GALNT8: variants seen among roughly 807,000 people sequenced by gnomAD.
The protein encoded by GALNT8 is polypeptide N-acetylgalactosaminyltransferase 8.
Under a neutral mutation model 62.7 loss-of-function variants are expected in GALNT8, and 66 were observed. The ratio of observed to expected loss-of-function variants is 1.05; its 90% confidence interval spans 0.86 to 1.29. The LOEUF (loss-of-function observed/expected upper bound fraction) is 1.29, where lower values mean the gene tolerates loss of function less well. Ranked by LOEUF, GALNT8 falls within the 50% of genes most tolerant of loss-of-function variation. The pLI is 0.00. For missense variants in GALNT8, 771 were observed against 791.8 expected, an observed-to-expected ratio of 0.97 and a Z score of 0.32; for synonymous variants, 288 against 294.3, an observed-to-expected ratio of 0.98 and a Z score of 0.22.
rs757089155 is a variant in GALNT8, at chr12:4,726,820, G to A, written c.500G>A (p.Arg167Gln). 25 of 1,611,006 alleles carry A rather than the reference G, an allele frequency of 1.6e-5. No homozygotes were observed. In the Admixed American group the frequency reaches 2.3e-4, roughly 15 times the overall value. The change falls in exon 2 of 11, where the codon CGA becomes CAA. Residue 167 changes from arginine (R) to glutamine (Q), a missense_variant. Coordinates refer to ENST00000252318, the MANE Select transcript of GALNT8 (RefSeq NM_017417.2). The surrounding 1 kb of genome is among the most constrained non-coding windows in gnomAD (Gnocchi z 4.1). ...LPLNRTIPDT[R>Q]DYRCLRKTYP... ...CTCAATCGCACCATCCCCGACACGC[G>A]AGACTACAGGTGGGATGAACCAGGC...
rs748304510 is a variant in GALNT8 at position 4,744,538 on chromosome 12, A to T, written c.698A>T (p.Asp233Val). 7 of 1,610,496 alleles carry T rather than the reference A, an allele frequency of 4.3e-6. No homozygotes were observed. Among genetic ancestry groups the T allele is most frequent in the Non-Finnish European group, 5.9e-6 (7 of 1,178,062 alleles). ...SSNGELKVHLDEKIKLYNQKY... is the reference protein window; with the variant it reads ...SSNGELKVHLVEKIKLYNQKY... ...ACAGGAGAACTAAAGGTACACTTGG[A>T]TGAGAAGATTAAGCTTTACAACCAG... is the stretch of plus-strand genomic sequence containing the variant. Residue 233 changes from aspartate to valine, a missense_variant, in exon 4 of 11, where the codon GAT (aspartate) becomes GTT (valine). By Grantham distance (152) the Asp-to-Val change is radical (BLOSUM62 -3). Transcript: ENST00000252318.
intron 10 of GALNT8, among the ~76,000 whole-genome samples, chr12:4,767,768 TACA>T (rs1191184261): frequency 6.6e-6 from 1 of 152,238 alleles, no homozygotes; most frequent in African/African-American, 2.4e-5. Context: ...TGAAGAAAAC[TACA>T]ACAAGTTACT....
intron 10 of GALNT8, 133 bp downstream of exon 10, chr12:4,765,679 T>C: frequency 3.1e-6 from 2 of 635,272 alleles, no homozygotes; most frequent in South Asian, 4.4e-5. Context: ...GAAAAGAGAT[T>C]TGGGTTGGCT....
intron 2 of GALNT8, among the ~76,000 whole-genome samples, chr12:4,731,459 A>C (rs1004711677): frequency 6.6e-6 from 1 of 152,114 alleles, no homozygotes; most frequent in Non-Finnish European, 1.5e-5. Flanking sequence ...TTCTTTCCCA[A>C]TTTTGATGCC....
chr12:4,751,725 G>A (rs765711594), intron 6 of GALNT8, among the ~76,000 whole-genome samples: 11 of 152,036 alleles, frequency 7.2e-5, no homozygotes, highest in African/African-American at 1.7e-4. Flanking sequence ...AGTGTATTCC[G>A]CAGCCACTGG....
At chr12:4,771,521 C>A (rs1946424325) in intron 10 of GALNT8, among the ~76,000 whole-genome samples, 1 of 152,124 alleles carries the variant, frequency 6.6e-6, no homozygotes, top group Admixed American at 6.5e-5. Flanking sequence ...GGAGATGTTA[C>A]AGCTGCAGTC....
intron 1 of GALNT8, among the ~76,000 whole-genome samples, chr12:4,721,317 A>G (rs1946167333): frequency 6.6e-6 from 1 of 152,220 alleles, no homozygotes; most frequent in African/African-American, 2.4e-5. Flanking sequence ...ACACAGAAAC[A>G]AAGTATGTAG....
At chr12:4,762,665 G>C (rs1254748084) in intron 7 of GALNT8, among the ~76,000 whole-genome samples, 1 of 152,198 alleles carries the variant, frequency 6.6e-6, no homozygotes, top group Admixed American at 6.5e-5. Context: ...AGGGTTTAAG[G>C]TTTTTCCACT....
chr12:4,735,354 C>T (rs1330348082), intron 2 of GALNT8, among the ~76,000 whole-genome samples: 4 of 152,084 alleles, frequency 2.6e-5, no homozygotes, highest in Non-Finnish European at 5.9e-5. Flanking sequence ...GACTTGTTCC[C>T]CCTACCCACC....
intron 6 of GALNT8, among the ~76,000 whole-genome samples, chr12:4,756,413 T>C (rs1237942155): frequency 6.6e-6 from 1 of 152,222 alleles, no homozygotes; most frequent in African/African-American, 2.4e-5. Context: ...ATTAAGCACC[T>C]AGTATGGTGA....
In GALNT8 at chr12:4,735,245, C is replaced by A. The variant is rs115092606; in HGVS notation, c.510-3918C>A. Reference sequence around the variant, plus strand: ...TTATAATTATTTAAATTTTTTTTTACAAACTGTCCTAAGGAAATATGCAAA... The same window carrying A: ...TTATAATTATTTAAATTTTTTTTTAAAAACTGTCCTAAGGAAATATGCAAA... On this transcript the variant is annotated intron_variant, in intron 2 of 10. Transcript: ENST00000252318. Among the ~76,000 whole-genome samples, 783 of 152,190 alleles carry A rather than the reference C, an allele frequency of 5.1e-3. 9 individuals carry two copies. The highest frequency in any genetic ancestry group is 0.018 in the African/African-American group (755 of 41,522).
intron 9 of GALNT8, among the ~76,000 whole-genome samples, chr12:4,764,576 A>ATCTG (rs1311273451): frequency 1.6e-5 from 2 of 123,606 alleles, no homozygotes; most frequent in African/African-American, 6.4e-5. Context: ...CAGAGTCTCG[A>ATCTG]TCTGTCGCCC....
intron 2 of GALNT8, among the ~76,000 whole-genome samples, chr12:4,737,938 T>C (rs1480719719): frequency 1.3e-5 from 2 of 152,182 alleles, no homozygotes; most frequent in African/African-American, 4.8e-5. Flanking sequence ...TAAGTTTCTA[T>C]TCATTATAAG....
At chr12:4,752,072 C>T (rs1180317674) in intron 6 of GALNT8, among the ~76,000 whole-genome samples, 1 of 151,968 alleles carries the variant, frequency 6.6e-6, no homozygotes, top group African/African-American at 2.4e-5. Flanking sequence ...TATAGCTACT[C>T]GGCTTTGTTT....
chr12:4,755,132 C>G (rs1220911952), intron 6 of GALNT8, among the ~76,000 whole-genome samples: 2 of 152,170 alleles, frequency 1.3e-5, no homozygotes, highest in Non-Finnish European at 2.9e-5. Flanking sequence ...GACCTGCCTC[C>G]CCACCCCCAA....
At position 4,726,766 on chromosome 12, in the gene GALNT8, A is replaced by G. The variant is rs1339024823; in HGVS notation, c.446A>G (p.Tyr149Cys). The G allele has an allele frequency of 3.7e-6, 6 of 1,614,032 alleles. No homozygotes were observed. The highest frequency in any genetic ancestry group is 5.1e-6 in the Non-Finnish European group (6 of 1,180,016). The change falls in exon 2 of 11, where the codon TAC becomes TGC. Residue 149 changes from tyrosine (Y) to cysteine (C), a missense_variant. By Grantham distance (194) the Tyr-to-Cys change is radical. Coordinates refer to ENST00000252318, the MANE Select transcript of GALNT8 (RefSeq NM_017417.2). This position sits in a 1 kb window ranked among gnomAD's most constrained non-coding sequence, Gnocchi z 4.1. Reference sequence around the variant, plus strand: ...CAGGACCTCTTCCGGAAGTTTGGTTACAACGCGTACCTCAGCAACCAGCTG... The same window carrying G: ...CAGGACCTCTTCCGGAAGTTTGGTTGCAACGCGTACCTCAGCAACCAGCTG... Reference protein sequence around the residue: ...AAQDLFRKFGYNAYLSNQLPL... With the variant: ...AAQDLFRKFGCNAYLSNQLPL...
rs534116544 is a variant in GALNT8 at position 4,771,900 on chromosome 12, A to G, written c.1762-545A>G. 1.6e-4 allele frequency among the ~76,000 whole-genome samples: 24 copies of G among 152,304 alleles called. No homozygotes were observed. In the South Asian group the frequency reaches 5.0e-3, roughly 32 times the overall value. ...GTGGAAGAGCAAGGATTCAGCCCTG[A>G]CTTTGTAGCACTAAAGCCTATCATG... On this transcript the variant is annotated intron_variant, in intron 10 of 10. Coordinates refer to ENST00000252318, the MANE Select transcript of GALNT8 (RefSeq NM_017417.2).
chr12:4,721,707 A>G (rs1946170520), intron 1 of GALNT8, among the ~76,000 whole-genome samples: 1 of 151,624 alleles, frequency 6.6e-6, no homozygotes, highest in Admixed American at 6.6e-5. Flanking sequence ...CAGGAGACAG[A>G]TGCCTTCCTC....
chr12:4,760,631 G>T (rs897533583), intron 6 of GALNT8, among the ~76,000 whole-genome samples: 4 of 152,162 alleles, frequency 2.6e-5, no homozygotes, highest in Non-Finnish European at 5.9e-5. Context: ...AGTGAGAGTG[G>T]CTCAGGGCAT....
Sources: allele counts gnomAD v4.1 joint callset (sites outside exome capture counted in the v4.1 genomes callset), GRCh38; gene constraint gnomAD v4.1.1; non-coding constraint Gnocchi (gnomAD v3.1); transcripts MANE v1.5; gene names NCBI Gene and HGNC (gene_info 2026-07-23, HGNC 2026-07-21).